The following CEMIP2 variants were observed in gnomAD, a reference collection of about 807,000 sequenced individuals.
CEMIP2 encodes cell surface hyaluronidase CEMIP2.
Under a neutral mutation model 146.9 loss-of-function variants are expected in CEMIP2, and 79 were observed. The observed-to-expected ratio is 0.54, with a 90% CI of 0.45 to 0.65. The LOEUF (loss-of-function observed/expected upper bound fraction) is 0.65, where lower values mean the gene tolerates loss of function less well. CEMIP2 is among the 30% of genes least tolerant of loss of function. The pLI, the probability that CEMIP2 is intolerant of heterozygous loss-of-function variation, is 0.00. For missense variants in CEMIP2, 1,596 were observed against 1,696.2 expected (o/e 0.94, Z 1.04); for synonymous variants, 601 against 606.3 (o/e 0.99, Z 0.13).
Position 71,684,948 on chromosome 9 carries a change from A to G in CEMIP2, c.*249T>C. 2.4e-6 allele frequency: 1 copy of G among 418,314 alleles called. No homozygotes were observed. Among genetic ancestry groups the G allele is most frequent in the Non-Finnish European group, 4.2e-6 (1 of 236,932 alleles). 25.9% of individuals were successfully genotyped at this position (418,314 alleles called of 1,614,324 possible). A position where few individuals can be genotyped will look rare whatever the true frequency, so the allele number is the denominator to read the frequency against. Reference sequence around the variant, plus strand: ...TTACAAAATACGGGGGTGGAAAGTGAGGAATAAGAGATCTGCTCTCTGAAT... The same window carrying G: ...TTACAAAATACGGGGGTGGAAAGTGGGGAATAAGAGATCTGCTCTCTGAAT... On this transcript the variant is annotated 3_prime_UTR_variant, in exon 24 of 24. Coordinates refer to ENST00000377044, the MANE Select transcript of CEMIP2 (RefSeq NM_013390.3).
intron 6 of CEMIP2, 96 bp downstream of exon 6, chr9:71,734,710 G>A (rs1823713549): frequency 1.2e-5 from 13 of 1,060,974 alleles, no homozygotes; most frequent in South Asian, 1.8e-5. Context: ...GGTGGTGGTG[G>A]TAGTGATGGT....
chr9:71,686,532 C>T (rs1472245865), intron 22 of CEMIP2: 1 of 152,246 alleles, frequency 6.6e-6, no homozygotes, highest in Non-Finnish European at 1.5e-5. Context: ...CATCCCCCTT[C>T]ACCTCCAGTC....
rs59888879 is a variant in CEMIP2 at position 71,683,519 on chromosome 9, A to AACACACACACACACACACAC, written c.*1658_*1677dup. ...ACACGTAAAGATATTTAAGTCATAA[A>AACACACACACACACACACAC]ACACACACACACACACACACACACA... On this transcript the variant is annotated 3_prime_UTR_variant, in exon 24 of 24. Coordinates refer to ENST00000377044, the MANE Select transcript of CEMIP2 (RefSeq NM_013390.3). 1 of 134,574 alleles carries AACACACACACACACACACAC rather than the reference A, an allele frequency of 7.4e-6. No homozygotes were observed. Among genetic ancestry groups the AACACACACACACACACACAC allele is most frequent in the African/African-American group, 2.9e-5 (1 of 35,070 alleles). The allele number at this position is 134,574 out of a possible 1,614,324, so 8.3% of individuals were successfully genotyped here. A position where few individuals can be genotyped will look rare whatever the true frequency, so the allele number is the denominator to read the frequency against.
At chr9:71,743,374 T>G (rs4745121) in intron 4 of CEMIP2, among the ~76,000 whole-genome samples, 69,467 of 152,062 alleles carry the variant, frequency 0.46, 18,762 homozygotes, top group Non-Finnish European at 0.6. Flanking sequence ...GGCAACTTAT[T>G]AAGCTCTACA....
At chr9:71,719,861 A>C (rs1044825972) in intron 12 of CEMIP2, among the ~76,000 whole-genome samples, 1 of 145,766 alleles carries the variant, frequency 6.9e-6, no homozygotes, top group African/African-American at 2.5e-5. Context: ...AAAAAAAAAA[A>C]GAGTACTATA....
At chr9:71,762,928 A>G (rs962626801) in intron 1 of CEMIP2, among the ~76,000 whole-genome samples, 7 of 151,984 alleles carry the variant, frequency 4.6e-5, no homozygotes, top group Non-Finnish European at 8.8e-5. Context: ...GTGGAAAGAT[A>G]GCTTGAGCCC....
chr9:71,739,361 CAAAAAAAAAAAAAA>C (rs71353516), intron 5 of CEMIP2, among the ~76,000 whole-genome samples: 12 of 42,842 alleles, frequency 2.8e-4, no homozygotes, highest in Admixed American at 2.0e-3. Flanking sequence ...GACTCTGTCT[CAAAAAAAAAAAAAA>C]AAAAAAAAAA....
intron 22 of CEMIP2, among the ~76,000 whole-genome samples, chr9:71,687,791 G>A (rs935404046): frequency 5.3e-5 from 8 of 152,190 alleles, no homozygotes; most frequent in African/African-American, 1.9e-4. Flanking sequence ...ACTTGAGCCT[G>A]AGAGGTCAAG....
intron 7 of CEMIP2, 138 bp from the exon 8 acceptor site, chr9:71,731,052 A>G (rs778803044): frequency 6.1e-5 from 43 of 710,078 alleles, no homozygotes; most frequent in Non-Finnish European, 9.7e-5. Flanking sequence ...GTTTTCCCAG[A>G]TTGCCAGTTA....
intron 15 of CEMIP2, among the ~76,000 whole-genome samples, chr9:71,713,262 G>A (rs529731027): frequency 2.9e-4 from 44 of 152,104 alleles, no homozygotes; most frequent in African/African-American, 9.4e-4. Context: ...TGGGTCTCAC[G>A]ATATCCGATG....
intron 20 of CEMIP2, 25 bp from the exon 21 acceptor site, chr9:71,694,632 T>G (rs1434092554): frequency 6.7e-7 from 1 of 1,483,370 alleles, no homozygotes. Context: ...AGTTCCATAT[T>G]TATGGCAACT....
At chr9:71,711,937 C>T (rs1242049235) in intron 16 of CEMIP2, 146 bp downstream of exon 16, 27 of 770,890 alleles carry the variant, frequency 3.5e-5, no homozygotes, top group Non-Finnish European at 4.7e-5. Context: ...GGAGAGAGTG[C>T]ATGGAATTAG....
chr9:71,749,500 G>A (rs1028168742), intron 2 of CEMIP2, among the ~76,000 whole-genome samples: 11 of 151,912 alleles, frequency 7.2e-5, no homozygotes, highest in African/African-American at 2.7e-4. Flanking sequence ...GAGGTCAGGA[G>A]TTCGAGACCA....
chr9:71,750,425 A>T (rs62544871), intron 1 of CEMIP2, 40 bp from the exon 2 acceptor site: 108,839 of 1,359,214 alleles, frequency 0.08, 5,165 homozygotes, highest in South Asian at 0.19. Flanking sequence ...GTATGTGTAA[A>T]TTCTTTTTTA....
At chr9:71,722,183 T>C (rs571909410) in intron 12 of CEMIP2, among the ~76,000 whole-genome samples, 12 of 152,318 alleles carry the variant, frequency 7.9e-5, no homozygotes, top group African/African-American at 2.9e-4. Flanking sequence ...TGCAACTCTC[T>C]CTAGCATCTA....
rs1262548021 is a variant in CEMIP2, at chr9:71,755,959, CACAAAAAAAA to C, written c.-12-5584_-12-5575del. On this transcript the variant is annotated intron_variant, in intron 1 of 23. Transcript: ENST00000377044. ...TGGGTGACAGAGCATGACTCTGTCTCACAAAAAAAAAAAAAAAAAAAAAAAAAAAAACCTC... is the reference window on the plus strand; with the variant it reads ...TGGGTGACAGAGCATGACTCTGTCTCAAAAAAAAAAAAAAAAAAAAACCTC... Among the ~76,000 whole-genome samples, 592 of 38,998 alleles carry C rather than the reference CACAAAAAAAA, an allele frequency of 0.015. 21 individuals are homozygous for C. In the South Asian group the frequency reaches 0.24, roughly 16 times the overall value. The allele number at this position is 38,998 out of a possible 152,430, so 25.6% of individuals were successfully genotyped here. A position where few individuals can be genotyped will look rare whatever the true frequency, so the allele number is the denominator to read the frequency against.
intron 13 of CEMIP2, 117 bp downstream of exon 13, chr9:71,717,828 TTAA>T: frequency 9.9e-5 from 98 of 989,142 alleles, no homozygotes; most frequent in Admixed American, 2.0e-4. Context: ...TTGTCCTGTC[TTAA>T]TAATAATAAT....
At chr9:71,702,201 T>C (rs1269871531) in intron 18 of CEMIP2, among the ~76,000 whole-genome samples, 2 of 146,058 alleles carry the variant, frequency 1.4e-5, no homozygotes, top group Non-Finnish European at 3.0e-5. Flanking sequence ...GAGGTTGCAG[T>C]GAGCCAAGAT....
rs536088183 is a variant in CEMIP2 at position 71,724,301 on chromosome 9, G to GA, written c.2178+1279dup. Among the ~76,000 whole-genome samples the GA allele has an allele frequency of 9.7e-3, 1,377 of 141,638 alleles. 9 individuals are homozygous for GA. Among genetic ancestry groups the GA allele is most frequent in the Non-Finnish European group, 0.014 (932 of 64,422 alleles). 92.9% of individuals were successfully genotyped at this position (141,638 alleles called of 152,430 possible). A position where few individuals can be genotyped will look rare whatever the true frequency, so the allele number is the denominator to read the frequency against. Reference sequence around the variant, plus strand: ...AGAGCAAGACTCTGTCTCAAAAAAAGAAAAAAAAAAATTCCATTAGAATGA... The same window carrying GA: ...AGAGCAAGACTCTGTCTCAAAAAAAGAAAAAAAAAAAATTCCATTAGAATGA... On this transcript the variant is annotated intron_variant, in intron 11 of 23. Coordinates refer to ENST00000377044, the MANE Select transcript of CEMIP2 (RefSeq NM_013390.3).
Sources: gnomAD v4.1 joint callset for allele counts (sites outside exome capture counted in the v4.1 genomes callset) on GRCh38, gnomAD v4.1.1 for gene constraint, MANE v1.5 for transcripts, NCBI Gene and HGNC (gene_info 2026-07-23, HGNC 2026-07-21) for gene names.